UBR2: variants seen among roughly 807,000 people sequenced by gnomAD.
UBR2 encodes the protein ubiquitin protein ligase E3 component n-recognin 2.
In UBR2, 92 loss-of-function variants were observed where a neutral mutation model predicts 247.9. The observed-to-expected ratio is 0.37, with a 90% CI of 0.31 to 0.44. The LOEUF is 0.44. Among genes scored for constraint, UBR2 ranks in the 20% least tolerant of loss-of-function variants. UBR2 has a pLI of 1.00. For synonymous variants in UBR2, 672 were observed against 693.5 expected (o/e 0.97, Z 0.49); for missense variants, 1,613 against 2,112.6 (o/e 0.76, Z 4.64).
chr6:42,650,723 C>G (rs1797060831), intron 23 of UBR2, among the ~76,000 whole-genome samples: 1 of 152,130 alleles, frequency 6.6e-6, no homozygotes, highest in Non-Finnish European at 1.5e-5. Flanking sequence ...AAAATACCCT[C>G]ACCTAACATT....
chr6:42,610,669 T>C (rs1050920456), intron 7 of UBR2, among the ~76,000 whole-genome samples: 3 of 152,124 alleles, frequency 2.0e-5, no homozygotes, highest in South Asian at 2.1e-4. Context: ...AGATGGTGGT[T>C]GCTAGGTGCT....
chr6:42,577,717 CCT>C (rs1336366939), intron 2 of UBR2, among the ~76,000 whole-genome samples: 14 of 151,898 alleles, frequency 9.2e-5, no homozygotes, highest in Non-Finnish European at 1.2e-4. Flanking sequence ...GTTTCATCCC[CCT>C]GTTTTTTTAG....
chr6:42,676,877 A>T lies in UBR2; in HGVS notation c.4478+4A>T. 1 of 1,608,704 alleles carries T rather than the reference A, an allele frequency of 6.2e-7. No individual in the cohort carries two copies. Among genetic ancestry groups the T allele is most frequent in the Non-Finnish European group, 8.5e-7 (1 of 1,175,290 alleles). On this transcript the variant is annotated splice_donor_region_variant and intron_variant, in intron 40 of 46. Transcript: ENST00000372901. ...CACTTCACCAGTATACGGGAAGGTG[A>T]GTTAGTTATCTTTACATAACGCATT...
intron 8 of UBR2, 112 bp downstream of exon 8, chr6:42,612,403 C>CATTTTGAAATGGT: frequency 1.6e-6 from 2 of 1,220,682 alleles, no homozygotes; most frequent in South Asian, 2.6e-5. Context: ...TTTAATTTTA[C>CATTTTGAAATGGT]ATTTTAAAAT....
chr6:42,626,673 T>C (rs1180037156), intron 11 of UBR2, among the ~76,000 whole-genome samples: 1 of 152,110 alleles, frequency 6.6e-6, no homozygotes, highest in East Asian at 1.9e-4. Context: ...GACACATAAC[T>C]CCCTAGGGGT....
chr6:42,648,108 G>A lies in UBR2; in HGVS notation c.2410-10G>A, dbSNP rs1004615550. On this transcript the variant is annotated splice_polypyrimidine_tract_variant and intron_variant, in intron 21 of 46. Transcript: ENST00000372901. ...TTAACATGAAACACACTTGTGTCCT[G>A]TACCTTTAGGAGAACAAGGAGACTG... 3 of 1,612,630 alleles carry A rather than the reference G, an allele frequency of 1.9e-6. No individual in the cohort carries two copies. The highest frequency in any genetic ancestry group is 3.3e-5 in the Admixed American group (2 of 59,984).
chr6:42,641,860 T>C (rs1796468838), intron 17 of UBR2, among the ~76,000 whole-genome samples, 168 bp downstream of exon 17: 3 of 152,224 alleles, frequency 2.0e-5, no homozygotes, highest in Admixed American at 1.3e-4. Flanking sequence ...TCATAGTTTG[T>C]CAAGAAATAA....
chr6:42,645,758 T>C (rs1796718680), intron 21 of UBR2, among the ~76,000 whole-genome samples, 168 bp downstream of exon 21: 1 of 152,150 alleles, frequency 6.6e-6, no homozygotes, highest in African/African-American at 2.4e-5. Context: ...AAAAAGAGAA[T>C]AGGAGTAGAA....
At chr6:42,614,407 TGTATGTACGTACGTAC>T (rs1794383112) in intron 8 of UBR2, among the ~76,000 whole-genome samples, 2 of 51,590 alleles carry the variant, frequency 3.9e-5, no homozygotes, top group Admixed American at 2.4e-4. Context: ...TACATACGTA[TGTATGTACGTACGTAC>T]ATATATATGT....
At chr6:42,682,632 C>T (rs1246162430) in intron 42 of UBR2, among the ~76,000 whole-genome samples, 2 of 152,058 alleles carry the variant, frequency 1.3e-5, no homozygotes, top group African/African-American at 4.8e-5. Context: ...ATTGCCCAGG[C>T]TGGTCTCAAA....
chr6:42,687,357 G>A (rs921330525), intron 44 of UBR2, among the ~76,000 whole-genome samples: 5 of 152,130 alleles, frequency 3.3e-5, no homozygotes, highest in East Asian at 1.9e-4. Flanking sequence ...GGCGGCGCGC[G>A]CCTGCAATCC....
intron 11 of UBR2, among the ~76,000 whole-genome samples, chr6:42,621,215 A>G (rs1309485526): frequency 6.6e-6 from 1 of 152,180 alleles, no homozygotes; most frequent in Non-Finnish European, 1.5e-5. Flanking sequence ...TCTAAGAAGT[A>G]AGGTCTTGAT....
rs150327996 is a variant in UBR2 at position 42,644,344 on chromosome 6, C to G, written c.2220+8C>G. On this transcript the variant is annotated splice_region_variant and intron_variant, in intron 19 of 46. Transcript: ENST00000372901. ...TCTGAGATTACCCATAAGGTAAGAACGTGTTTTATGAAACCACAACACATT... is the reference window on the plus strand; with the variant it reads ...TCTGAGATTACCCATAAGGTAAGAAGGTGTTTTATGAAACCACAACACATT... 2.5e-6 allele frequency: 4 copies of G among 1,610,156 alleles called. No individual in the cohort carries two copies. The highest frequency in any genetic ancestry group is 2.5e-6 in the Non-Finnish European group (3 of 1,179,000).
At chr6:42,570,775 CG>C (rs1791074044) in intron 1 of UBR2, among the ~76,000 whole-genome samples, 1 of 152,004 alleles carries the variant, frequency 6.6e-6, no homozygotes, top group Admixed American at 6.6e-5. Flanking sequence ...CCTCAACCTC[CG>C]GGGCTCAGGT....
At chr6:42,636,376 G>A (rs779134881) in intron 14 of UBR2, among the ~76,000 whole-genome samples, 39 of 151,812 alleles carry the variant, frequency 2.6e-4, no homozygotes, top group Non-Finnish European at 4.1e-4. Context: ...ACAGGGCTTC[G>A]CCGTGTTACC....
chr6:42,658,458 TG>T (rs1202235434), intron 28 of UBR2, 138 bp downstream of exon 28: 84 of 1,116,126 alleles, frequency 7.5e-5, no homozygotes, highest in Admixed American at 1.9e-4. Context: ...TATCTCTATT[TG>T]TTGTAGCAAT....
chr6:42,674,458 A>G lies in UBR2; in HGVS notation c.4251+265A>G, dbSNP rs186858582. 2.2e-3 allele frequency among the ~76,000 whole-genome samples: 334 copies of G among 152,276 alleles called. 1 individual carries two copies. Among genetic ancestry groups the G allele is most frequent in the Non-Finnish European group, 3.3e-3 (227 of 68,016 alleles). ...TAACCTCTCTGTGCTTTTAACCTGT[A>G]AAGAGATAAAAACACCAGCAACGGG... On this transcript the variant is annotated intron_variant, in intron 38 of 46. Transcript: ENST00000372901.
intron 1 of UBR2, among the ~76,000 whole-genome samples, chr6:42,567,664 G>T (rs1232048676): frequency 1.3e-5 from 2 of 152,162 alleles, no homozygotes; most frequent in African/African-American, 2.4e-5. Flanking sequence ...AGGAGGCTGG[G>T]GTTGCAGTGA....
intron 2 of UBR2, among the ~76,000 whole-genome samples, chr6:42,591,803 G>A (rs1251205611): frequency 6.6e-6 from 1 of 152,116 alleles, no homozygotes; most frequent in Non-Finnish European, 1.5e-5. Context: ...TGAATCTTAA[G>A]AATTCATAAA....
Sources: gnomAD v4.1 joint callset for allele counts (sites outside exome capture counted in the v4.1 genomes callset) on GRCh38, gnomAD v4.1.1 for gene constraint, MANE v1.5 for transcripts, NCBI Gene and HGNC (gene_info 2026-07-23, HGNC 2026-07-21) for gene names.